TRDN: variants seen among roughly 807,000 people sequenced by gnomAD.
TRDN encodes the protein triadin.
In TRDN, 161 loss-of-function variants were observed where a neutral mutation model predicts 149.7. The observed-to-expected ratio is 1.08, with a 90% CI of 0.95 to 1.23. The LOEUF (loss-of-function observed/expected upper bound fraction) is 1.23. Ranked by LOEUF, TRDN falls within the 50% of genes most tolerant of loss-of-function variation. The probability of loss-of-function intolerance (pLI) is 0.00; values close to 1 mark genes in which losing one functional copy is unlikely to be tolerated. For synonymous variants in TRDN, 294 were observed against 250.5 expected, an observed-to-expected ratio of 1.17 and a Z score of -1.64; for missense variants, 896 against 823.5, an observed-to-expected ratio of 1.09 and a Z score of -1.08.
chr6:123,284,006 A>ATATAT (rs1427267027), intron 24 of TRDN, among the ~76,000 whole-genome samples: 9 of 119,472 alleles, frequency 7.5e-5, no homozygotes, highest in African/African-American at 1.7e-4. Context: ...ATATATATGT[A>ATATAT]ACAAACCTGC....
At chr6:123,504,450 A>C (rs1192123536) in intron 7 of TRDN, among the ~76,000 whole-genome samples, 1 of 152,202 alleles carries the variant, frequency 6.6e-6, no homozygotes, top group Non-Finnish European at 1.5e-5. Context: ...AACAGAAATA[A>C]AACAATGAAA....
chr6:123,487,738 AAC>A (rs1333165343), intron 9 of TRDN, among the ~76,000 whole-genome samples: 3 of 152,072 alleles, frequency 2.0e-5, no homozygotes, highest in Non-Finnish European at 2.9e-5. Context: ...TTGTCTTATA[AAC>A]ACATCAATTT....
At position 123,428,661 on chromosome 6, in the gene TRDN, T is replaced by C. The variant is rs1341634217; in HGVS notation, c.1051+9402A>G. 2.6e-5 allele frequency among the ~76,000 whole-genome samples: 4 copies of C among 152,262 alleles called. No individual in the cohort carries two copies. The East Asian group carries it at 7.7e-4, about 29-fold the overall frequency. ...TCTCTATCCTGATTAAAAATAAATA[T>C]TATATGTGTCTTGGTCAAATACCTA... On this transcript the variant is annotated intron_variant, in intron 12 of 40. Coordinates refer to ENST00000334268, the MANE Select transcript of TRDN (RefSeq NM_006073.4).
intron 12 of TRDN, among the ~76,000 whole-genome samples, chr6:123,407,485 A>T (rs1471736496): frequency 6.6e-6 from 1 of 152,002 alleles, no homozygotes; most frequent in Non-Finnish European, 1.5e-5. Flanking sequence ...CTTCACCAGG[A>T]CTTTCTTAAG....
intron 14 of TRDN, among the ~76,000 whole-genome samples, chr6:123,386,040 G>A (rs1781895338): frequency 6.6e-6 from 1 of 152,092 alleles, no homozygotes; most frequent in African/African-American, 2.4e-5. Context: ...TATTACTGGT[G>A]CGTGCATAGA....
At chr6:123,520,361 A>G (rs1583181388) in intron 5 of TRDN, among the ~76,000 whole-genome samples, 1 of 152,178 alleles carries the variant, frequency 6.6e-6, no homozygotes, top group African/African-American at 2.4e-5. Context: ...AAATATGCTC[A>G]TAAGAGTCCG....
intron 38 of TRDN, among the ~76,000 whole-genome samples, chr6:123,233,662 T>G (rs1775690379): frequency 1.3e-5 from 2 of 151,972 alleles, no homozygotes; most frequent in African/African-American, 4.8e-5. Context: ...GTGATCAGAG[T>G]GGTGAGTATG....
intron 10 of TRDN, chr6:123,462,372 A>G (rs1303484386): frequency 6.6e-6 from 1 of 152,210 alleles, no homozygotes; most frequent in African/African-American, 2.4e-5. Flanking sequence ...AGTACTGTGC[A>G]AGTTTTGTTT....
At chr6:123,597,428 T>C (rs1562416453) in intron 1 of TRDN, among the ~76,000 whole-genome samples, 1 of 152,088 alleles carries the variant, frequency 6.6e-6, no homozygotes, top group Non-Finnish European at 1.5e-5. Flanking sequence ...CAACAAAGGA[T>C]TTAGAATATT....
chr6:123,592,179 C>A (rs1387638235), intron 1 of TRDN, among the ~76,000 whole-genome samples: 1 of 152,140 alleles, frequency 6.6e-6, no homozygotes, highest in African/African-American at 2.4e-5. Context: ...AAGGCTTTTT[C>A]TCTGGGCAAT....
At chr6:123,538,501 C>T (rs1246976693) in intron 4 of TRDN, among the ~76,000 whole-genome samples, 1 of 152,128 alleles carries the variant, frequency 6.6e-6, no homozygotes, top group Middle Eastern at 3.4e-3. Context: ...GGAAAGCGTA[C>T]TACTCACCAT....
Position 123,499,717 on chromosome 6 carries a change from A to T in TRDN, c.794-2465T>A, listed in dbSNP as rs867297416. Among the ~76,000 whole-genome samples the T allele has an allele frequency of 7.5e-4, 42 of 55,728 alleles. 1 individual carries two copies. Among genetic ancestry groups the T allele is most frequent in the African/African-American group, 2.1e-3 (39 of 18,232 alleles). The allele number at this position is 55,728 out of a possible 152,430, so 36.6% of individuals were successfully genotyped here. On this transcript the variant is annotated intron_variant, in intron 8 of 40. Coordinates refer to ENST00000334268, the MANE Select transcript of TRDN (RefSeq NM_006073.4). ...AGATTCTGGCTCAAAAAAAAAAAAA[A>T]AAATATATATATATATATATATATA...
chr6:123,241,494 T>G (rs537880084), intron 38 of TRDN, among the ~76,000 whole-genome samples: 3 of 151,868 alleles, frequency 2.0e-5, no homozygotes, highest in Non-Finnish European at 2.9e-5. Context: ...TCTATTATAC[T>G]CTAATATTGA....
chr6:123,437,302 C>A, intron 12 of TRDN: 1 of 281,706 alleles, frequency 3.5e-6, no homozygotes, highest in Non-Finnish European at 6.9e-6. Context: ...CTCCTAATCT[C>A]CCTTTTCTTA....
intron 1 of TRDN, among the ~76,000 whole-genome samples, chr6:123,618,621 C>T (rs759686029): frequency 2.0e-5 from 3 of 152,216 alleles, no homozygotes; most frequent in Non-Finnish European, 2.9e-5. Context: ...ATTCTCACTA[C>T]TCTTCATCAG....
rs552069148 is a variant in TRDN, at chr6:123,232,221, C to A, written c.1976-8090G>T. Among the ~76,000 whole-genome samples the A allele has an allele frequency of 3.5e-3, 531 of 151,682 alleles. 5 individuals are homozygous for A. The highest frequency in any genetic ancestry group is 0.012 in the African/African-American group (506 of 41,400). On this transcript the variant is annotated intron_variant, in intron 38 of 40. Coordinates refer to ENST00000334268, the MANE Select transcript of TRDN (RefSeq NM_006073.4). Reference sequence around the variant, plus strand: ...AGCAAATAGACTGAAAAAAAAAAATCCTATATTATGAAAGCCAAGAGAGGA... The same window carrying A: ...AGCAAATAGACTGAAAAAAAAAAATACTATATTATGAAAGCCAAGAGAGGA...
At chr6:123,449,954 T>C (rs761013947) in intron 10 of TRDN, among the ~76,000 whole-genome samples, 18 of 152,146 alleles carry the variant, frequency 1.2e-4, no homozygotes, top group South Asian at 2.1e-4. Context: ...AAGAATTTTG[T>C]ATCCAGTGAA....
At chr6:123,302,468 C>T (rs1403874728) in intron 24 of TRDN, among the ~76,000 whole-genome samples, 1 of 151,974 alleles carries the variant, frequency 6.6e-6, no homozygotes, top group African/African-American at 2.4e-5. Flanking sequence ...TTTAGGATGA[C>T]CAAAGTCCAG....
At chr6:123,311,548 G>C (rs1778820759) in intron 24 of TRDN, among the ~76,000 whole-genome samples, 1 of 151,938 alleles carries the variant, frequency 6.6e-6, no homozygotes, top group African/African-American at 2.4e-5. Context: ...ACTCTCTTGA[G>C]TTCTACACCT....
Sources: allele counts gnomAD v4.1 joint callset (sites outside exome capture counted in the v4.1 genomes callset), GRCh38; gene constraint gnomAD v4.1.1; transcripts MANE v1.5; gene names NCBI Gene and HGNC (gene_info 2026-07-23, HGNC 2026-07-21).